The following ANKFY1 variants were observed in gnomAD, a reference collection of about 807,000 sequenced individuals.
ANKFY1 encodes the protein ankyrin repeat and FYVE domain-containing protein 1.
Under a neutral mutation model 128.3 loss-of-function variants are expected in ANKFY1, and 47 were observed. The ratio of observed to expected loss-of-function variants is 0.37; its 90% confidence interval spans 0.29 to 0.47. ANKFY1 has a LOEUF of 0.47. ANKFY1 is among the 20% of genes least tolerant of loss of function. The pLI is 1.00. For missense variants in ANKFY1, 1,222 were observed against 1,510.6 expected, an observed-to-expected ratio of 0.81 and a Z score of 3.17; for synonymous variants, 553 against 601.6, an observed-to-expected ratio of 0.92 and a Z score of 1.18.
chr17:4,192,407 A>T (rs1598045556), intron 10 of ANKFY1, among the ~76,000 whole-genome samples: 1 of 135,308 alleles, frequency 7.4e-6, no homozygotes, highest in African/African-American at 2.9e-5. Flanking sequence ...TAATCTGGAG[A>T]CTCCTAGTTG....
intron 3 of ANKFY1, among the ~76,000 whole-genome samples, chr17:4,224,015 G>A (rs1464475508): frequency 6.6e-6 from 1 of 152,176 alleles, no homozygotes; most frequent in Non-Finnish European, 1.5e-5. Context: ...CTTTTATTAG[G>A]TTGAACTGAA....
At chr17:4,209,571 A>G (rs2060089377) in intron 5 of ANKFY1, among the ~76,000 whole-genome samples, 1 of 152,236 alleles carries the variant, frequency 6.6e-6, no homozygotes, top group South Asian at 2.1e-4. Flanking sequence ...AAAGTGCTGG[A>G]ATTGCAGGCG....
intron 1 of ANKFY1, among the ~76,000 whole-genome samples, chr17:4,250,509 A>G (rs1231113095): frequency 6.6e-6 from 1 of 152,222 alleles, no homozygotes; most frequent in Non-Finnish European, 1.5e-5. Flanking sequence ...ATGAAAGGCA[A>G]CCTAAATAAA....
chr17:4,180,076 T>C (rs1598020771), intron 16 of ANKFY1, 199 bp from the exon 17 acceptor site: 1 of 644,468 alleles, frequency 1.6e-6, no homozygotes, highest in Non-Finnish European at 2.6e-6. Context: ...GTCTTGGGGG[T>C]GGGCAACCCG....
chr17:4,206,248 G>T, intron 7 of ANKFY1, 73 bp downstream of exon 7: 1 of 1,540,186 alleles, frequency 6.5e-7, no homozygotes. Flanking sequence ...TGGGAACAAG[G>T]TCAGAAAGTC....
rs532291163 is a variant in ANKFY1, at chr17:4,226,042, G to T, written c.323-8924C>A. ...CCACTCCAAGTGTGGGATTACAGGC[G>T]TGAGCCACTGAACTTGGCAAAAATT... On this transcript the variant is annotated intron_variant, in intron 3 of 24. Coordinates refer to ENST00000341657, the MANE Select transcript of ANKFY1 (RefSeq NM_001330063.2). 1.3e-4 allele frequency among the ~76,000 whole-genome samples: 20 copies of T among 152,280 alleles called. 1 individual carries two copies. Among genetic ancestry groups the T allele is most frequent in the African/African-American group, 4.8e-4 (20 of 41,558 alleles).
chr17:4,263,412 G>T (rs1968527369), intron 1 of ANKFY1, among the ~76,000 whole-genome samples: 1 of 152,156 alleles, frequency 6.6e-6, no homozygotes, highest in South Asian at 2.1e-4. Flanking sequence ...CAGCAGAGCC[G>T]GAGCCGCCAG....
rs867816848 is a variant in ANKFY1 at position 4,167,987 on chromosome 17, C to A, written c.3378-76G>T. ...GCTTCCTGGCACGTGAGGACAACCG[C>A]AGCAGGGCCTGGCAGCCAAGGCGCC... On this transcript the variant is annotated intron_variant, in intron 24 of 24. Coordinates refer to ENST00000341657, the MANE Select transcript of ANKFY1 (RefSeq NM_001330063.2). This position sits in a 1 kb window ranked among gnomAD's most constrained non-coding sequence, Gnocchi z 4.1. 1.9e-5 allele frequency: 29 copies of A among 1,511,704 alleles called. No individual in the cohort carries two copies. In the Middle Eastern group the frequency reaches 4.0e-3, roughly 208 times the overall value. The allele number at this position is 1,511,704 out of a possible 1,614,324, so 93.6% of individuals were successfully genotyped here.
chr17:4,242,601 T>C (rs755453958), intron 1 of ANKFY1, among the ~76,000 whole-genome samples, 153 bp from the exon 2 acceptor site: 8 of 152,252 alleles, frequency 5.3e-5, no homozygotes, highest in Non-Finnish European at 8.8e-5. Flanking sequence ...GGATCAAGAA[T>C]GGCTTTGACG....
intron 7 of ANKFY1, among the ~76,000 whole-genome samples, chr17:4,200,171 C>T (rs1483258988): frequency 1.3e-5 from 2 of 151,768 alleles, no homozygotes; most frequent in Non-Finnish European, 2.9e-5. Context: ...AGTTGATCCT[C>T]CCAGCTCAGC....
At chr17:4,256,805 G>A (rs745644747) in intron 1 of ANKFY1, among the ~76,000 whole-genome samples, 3 of 152,066 alleles carry the variant, frequency 2.0e-5, no homozygotes, top group Non-Finnish European at 2.9e-5. Context: ...CGTGAAATAC[G>A]TTTTTCCTGA....
At chr17:4,173,483 A>G (rs1220067785) in intron 20 of ANKFY1, 39 bp from the exon 21 acceptor site, 1 of 1,594,880 alleles carries the variant, frequency 6.3e-7, no homozygotes. Context: ...GCCCAGAAGC[A>G]CATGCAGAAA....
chr17:4,258,691 G>A (rs1968254590), intron 1 of ANKFY1, among the ~76,000 whole-genome samples: 1 of 152,048 alleles, frequency 6.6e-6, no homozygotes, highest in African/African-American at 2.4e-5. Flanking sequence ...CTAGCCACAT[G>A]GCTACTGAGT....
chr17:4,202,514 C>A (rs1202665133), intron 7 of ANKFY1, among the ~76,000 whole-genome samples: 2 of 150,482 alleles, frequency 1.3e-5, no homozygotes, highest in African/African-American at 4.9e-5. Context: ...CTGGCTAACA[C>A]GGTGAAACCC....
intron 3 of ANKFY1, chr17:4,223,682 T>G: frequency 6.2e-7 from 1 of 1,602,012 alleles, no homozygotes; most frequent in Admixed American, 1.7e-5. Flanking sequence ...GAAAGATGGT[T>G]ACCGAATAGC....
At chr17:4,225,409 A>G (rs1369238815) in intron 3 of ANKFY1, among the ~76,000 whole-genome samples, 1 of 152,142 alleles carries the variant, frequency 6.6e-6, no homozygotes, top group East Asian at 1.9e-4. Context: ...AGACAGTATC[A>G]TTTTTATCAA....
At chr17:4,250,679 T>TC (rs1967779028) in intron 1 of ANKFY1, among the ~76,000 whole-genome samples, 1 of 151,572 alleles carries the variant, frequency 6.6e-6, no homozygotes, top group African/African-American at 2.4e-5. Context: ...CTAATTTTTT[T>TC]TTCTTAGAAA....
intron 7 of ANKFY1, among the ~76,000 whole-genome samples, chr17:4,199,663 C>G (rs1567936276): frequency 6.6e-6 from 1 of 152,142 alleles, no homozygotes; most frequent in Non-Finnish European, 1.5e-5. Flanking sequence ...GAAATTGACT[C>G]TAGATTGGTT....
intron 10 of ANKFY1, among the ~76,000 whole-genome samples, chr17:4,189,866 T>C (rs540551550): frequency 6.7e-6 from 1 of 149,484 alleles, no homozygotes; most frequent in African/African-American, 2.6e-5. Flanking sequence ...GGCTAGGGAA[T>C]GCCCCAGGCT....
Sources: allele counts gnomAD v4.1 joint callset (sites outside exome capture counted in the v4.1 genomes callset), GRCh38; gene constraint gnomAD v4.1.1; non-coding constraint Gnocchi (gnomAD v3.1); transcripts MANE v1.5; gene names NCBI Gene and HGNC (gene_info 2026-07-23, HGNC 2026-07-21).